PDE4D: variants seen among roughly 807,000 people sequenced by gnomAD.
PDE4D encodes 3',5'-cyclic-AMP phosphodiesterase 4D.
In PDE4D, 24 loss-of-function variants were observed where a neutral mutation model predicts 87.4. That is an observed-to-expected ratio of 0.27 (90% CI 0.20 to 0.39). The LOEUF is 0.39. Ranked by LOEUF, PDE4D falls within the 10% of genes least tolerant of loss-of-function variation. The probability of loss-of-function intolerance (pLI) is 1.00; values close to 1 mark genes in which losing one functional copy is unlikely to be tolerated. For missense variants in PDE4D, 714 were observed against 1,041.0 expected, an observed-to-expected ratio of 0.69 and a Z score of 4.32; for synonymous variants, 384 against 383.2, an observed-to-expected ratio of 1.00 and a Z score of -0.02.
intron 1 of PDE4D, among the ~76,000 whole-genome samples, chr5:60,419,768 C>G (rs930682678): frequency 2.0e-5 from 3 of 152,080 alleles, no homozygotes; most frequent in African/African-American, 7.2e-5. Context: ...ACTTACAAAA[C>G]TAAGTAAAAT....
chr5:59,075,319 G>A (rs1765510215), intron 5 of PDE4D, among the ~76,000 whole-genome samples: 1 of 152,104 alleles, frequency 6.6e-6, no homozygotes, highest in South Asian at 2.1e-4. Flanking sequence ...TTTTGAATTA[G>A]ATTATATGGA....
chr5:60,039,229 C>T (rs1292685954), intron 2 of PDE4D, among the ~76,000 whole-genome samples: 10 of 152,136 alleles, frequency 6.6e-5, no homozygotes, highest in Non-Finnish European at 2.9e-5. Flanking sequence ...AAATGTGGCA[C>T]ATATACACCA....
intron 2 of PDE4D, among the ~76,000 whole-genome samples, chr5:59,206,653 A>G (rs542624803): frequency 2.6e-5 from 4 of 152,312 alleles, no homozygotes; most frequent in African/African-American, 7.2e-5. Context: ...GCATGCTCCA[A>G]ACAATTTTTT....
intron 1 of PDE4D, among the ~76,000 whole-genome samples, chr5:60,493,577 T>A (rs1044541357): frequency 2.9e-5 from 4 of 139,426 alleles, no homozygotes; most frequent in Non-Finnish European, 4.7e-5. Flanking sequence ...TGGACTTCTA[T>A]ACACAATCAT....
chr5:59,065,061 TATATATACACAC>T (rs1364612766), intron 5 of PDE4D, among the ~76,000 whole-genome samples: 1,302 of 16,524 alleles, frequency 0.079, 19 homozygotes, highest in Non-Finnish European at 0.096. Flanking sequence ...AAATGTGATA[TATATATACACAC>T]ACACACACAC....
intron 1 of PDE4D, among the ~76,000 whole-genome samples, chr5:60,259,814 T>C (rs1041313974): frequency 2.0e-5 from 3 of 152,016 alleles, no homozygotes; most frequent in African/African-American, 7.2e-5. Flanking sequence ...ACACGTGGAA[T>C]GCATAAACTC....
intron 5 of PDE4D, among the ~76,000 whole-genome samples, chr5:59,163,729 G>A (rs556237249): frequency 6.6e-6 from 1 of 152,300 alleles, no homozygotes; most frequent in Non-Finnish European, 1.5e-5. Flanking sequence ...GATTCAGAGT[G>A]GCAACTGGGG....
At chr5:60,403,248 A>C (rs989082393) in intron 1 of PDE4D, among the ~76,000 whole-genome samples, 2 of 152,248 alleles carry the variant, frequency 1.3e-5, no homozygotes, top group South Asian at 4.1e-4. Context: ...TGCTTTTAAC[A>C]GGGACATATA....
At chr5:60,130,870 C>T (rs902280838) in intron 2 of PDE4D, among the ~76,000 whole-genome samples, 2 of 152,202 alleles carry the variant, frequency 1.3e-5, no homozygotes, top group Non-Finnish European at 2.9e-5. Flanking sequence ...AACATTTACA[C>T]TGATACACAG....
intron 1 of PDE4D, among the ~76,000 whole-genome samples, chr5:59,545,004 T>C (rs1047017850): frequency 5.3e-5 from 8 of 152,188 alleles, no homozygotes; most frequent in African/African-American, 1.7e-4. Context: ...TTTTATACAT[T>C]ATCATCTTTA....
At chr5:59,432,011 TTCTTA>T (rs1379552236) in intron 1 of PDE4D, among the ~76,000 whole-genome samples, 3 of 152,130 alleles carry the variant, frequency 2.0e-5, no homozygotes, top group Non-Finnish European at 4.4e-5. Context: ...ATAATTTTCT[TTCTTA>T]TATTTTAGGT....
At chr5:59,380,393 A>AG (rs2153602433) in intron 1 of PDE4D, among the ~76,000 whole-genome samples, 1 of 149,754 alleles carries the variant, frequency 6.7e-6, no homozygotes, top group South Asian at 2.2e-4. Flanking sequence ...GCAATCAAAA[A>AG]AAAAAAAAAA....
chr5:59,961,967 G>C (rs1182427130), intron 3 of PDE4D, among the ~76,000 whole-genome samples: 1 of 152,146 alleles, frequency 6.6e-6, no homozygotes. Context: ...AAGTGAGTTA[G>C]AAAGATGTTT....
In PDE4D at chr5:59,268,418, G is replaced by T. The variant is rs142512582; in HGVS notation, c.456-52450C>A. Among the ~76,000 whole-genome samples the T allele has an allele frequency of 2.6e-4, 39 of 152,148 alleles. No individual in the cohort carries two copies. The East Asian group carries it at 5.6e-3, about 22-fold the overall frequency. On this transcript the variant is annotated intron_variant, in intron 1 of 14. Coordinates refer to ENST00000340635, the MANE Select transcript of PDE4D (RefSeq NM_001104631.2). The stretch of plus-strand genomic sequence containing the variant: ...ATATCACTGGCACGGGCTCTCATTA[G>T]TTAGTTACCTGTACACAGTTATATT...
chr5:59,909,466 GC>G (rs1753204922), intron 3 of PDE4D, among the ~76,000 whole-genome samples: 1 of 151,948 alleles, frequency 6.6e-6, no homozygotes, highest in Non-Finnish European at 1.5e-5. Flanking sequence ...CGCAATCATG[GC>G]TCACTGCAGC....
chr5:59,910,853 G>A lies in PDE4D; in HGVS notation c.272+77635C>T, dbSNP rs76849077. Among the ~76,000 whole-genome samples, 835 of 152,242 alleles carry A rather than the reference G, an allele frequency of 5.5e-3. 6 individuals are homozygous for A. The highest frequency in any genetic ancestry group is 0.019 in the African/African-American group (797 of 41,534). On this transcript the variant is annotated intron_variant, in intron 3 of 16. Coordinates refer to the PDE4D transcript ENST00000502484. ...ATTTACAATGCAGTAGAATCCTTGG[G>A]GTAGGGTTAGGATCCACAAAACAGA...
chr5:60,270,933 T>C (rs912345548), intron 1 of PDE4D, among the ~76,000 whole-genome samples: 2 of 152,204 alleles, frequency 1.3e-5, no homozygotes, highest in African/African-American at 4.8e-5. Flanking sequence ...TCTGATAAGA[T>C]TCTTTGAAAA....
intron 11 of PDE4D, among the ~76,000 whole-genome samples, chr5:58,985,059 G>A (rs6883346): frequency 0.2 from 30,488 of 151,814 alleles, 3,374 homozygotes; most frequent in African/African-American, 0.28. Flanking sequence ...ACAGGCATGC[G>A]CCACCACACC....
intron 2 of PDE4D, among the ~76,000 whole-genome samples, chr5:60,051,084 T>G (rs1254506178): frequency 6.6e-6 from 1 of 152,136 alleles, no homozygotes; most frequent in Non-Finnish European, 1.5e-5. Context: ...TCCCACACAA[T>G]AATATTGGGA....
Sources: gnomAD v4.1 joint callset for allele counts (sites outside exome capture counted in the v4.1 genomes callset) on GRCh38, gnomAD v4.1.1 for gene constraint, MANE v1.5 for transcripts, NCBI Gene and HGNC (gene_info 2026-07-23, HGNC 2026-07-21) for gene names.